The following SLC25A53 variants were observed in gnomAD, a reference collection of about 807,000 sequenced individuals.
SLC25A53 encodes mitochondrial carrier triple repeat protein 6.
SLC25A53 carries 5 observed loss-of-function variants against 15.0 expected under a neutral mutation model. The observed-to-expected ratio is 0.33, with a 90% CI of 0.17 to 0.70. SLC25A53 has a LOEUF of 0.70. Ranked by LOEUF, SLC25A53 falls within the 30% of genes least tolerant of loss-of-function variation. The pLI is 0.67. For synonymous variants in SLC25A53, 95 were observed against 100.0 expected, an observed-to-expected ratio of 0.95 and a Z score of 0.30; for missense variants, 216 against 241.6, an observed-to-expected ratio of 0.89 and a Z score of 0.70.
intron 1 of SLC25A53, among the ~76,000 whole-genome samples, chrX:104,108,197 C>G (rs782719669): frequency 8.9e-6 from 1 of 111,880 alleles, no homozygotes; most frequent in African/African-American, 3.3e-5. Flanking sequence ...AAAGGGCAGA[C>G]AGACCCGAGA....
intron 1 of SLC25A53, among the ~76,000 whole-genome samples, chrX:104,147,636 C>T (rs1336978408): frequency 2.0e-4 from 22 of 108,957 alleles, no homozygotes; most frequent in Admixed American, 1.1e-3. Context: ...AAAAAGTGGG[C>T]AAAGGACATG....
intron 1 of SLC25A53, among the ~76,000 whole-genome samples, chrX:104,109,177 G>A (rs2075326657): frequency 9.0e-6 from 1 of 111,340 alleles, no homozygotes; most frequent in Admixed American, 9.5e-5. Flanking sequence ...TTGTGCATGG[G>A]GCTGGCCTAC....
At chrX:104,153,198 T>G (rs2075490272) in intron 1 of SLC25A53, among the ~76,000 whole-genome samples, 1 of 111,107 alleles carries the variant, frequency 9.0e-6, no homozygotes, top group Admixed American at 9.6e-5. Flanking sequence ...TTAGGCAATT[T>G]CATTGTGAGA....
intron 1 of SLC25A53, among the ~76,000 whole-genome samples, chrX:104,125,041 C>T (rs1284631087): frequency 9.3e-6 from 1 of 107,976 alleles, no homozygotes; most frequent in African/African-American, 3.4e-5. Context: ...CATGGGGTTT[C>T]GCCATGTTGG....
At chrX:104,149,376 T>C (rs184727133) in intron 1 of SLC25A53, among the ~76,000 whole-genome samples, 8 of 112,852 alleles carry the variant, frequency 7.1e-5, no homozygotes, top group Non-Finnish European at 1.3e-4. Flanking sequence ...CTTCATAATG[T>C]CTGGGGCCTC....
rs181672134 is a variant in SLC25A53, at chrX:104,110,715, C to T, written c.-31-5427G>A. Among the ~76,000 whole-genome samples the T allele has an allele frequency of 2.0e-3, 221 of 112,107 alleles. 12 individuals are homozygous for T. Among genetic ancestry groups the T allele is most frequent in the African/African-American group, 2.3e-3 (71 of 30,822 alleles). ...ATTCACTTTGGACAGCCCTGCATGCCGTTTCCATGGAGTTGCTCCTTCTCT... is the reference window on the plus strand; with the variant it reads ...ATTCACTTTGGACAGCCCTGCATGCTGTTTCCATGGAGTTGCTCCTTCTCT... On this transcript the variant is annotated intron_variant, in intron 1 of 1. Transcript: ENST00000594199.
At position 104,103,390 on chromosome X, in the gene SLC25A53, G is replaced by A. The variant is rs782320534; in HGVS notation, c.*944C>T. ...ATTATGGCTAGTGTTTGGGGTTTATGTAAGTGGAGTGACAATATGTTGAAA... is the reference window on the plus strand; with the variant it reads ...ATTATGGCTAGTGTTTGGGGTTTATATAAGTGGAGTGACAATATGTTGAAA... On this transcript the variant is annotated 3_prime_UTR_variant, in exon 2 of 2. Coordinates refer to ENST00000594199, the MANE Select transcript of SLC25A53 (RefSeq NM_001012755.5). 2.7e-5 allele frequency: 3 copies of A among 111,885 alleles called. No individual in the cohort carries two copies. In the South Asian group the frequency reaches 1.1e-3, roughly 42 times the overall value. 9.2% of individuals were successfully genotyped at this position (111,885 alleles called of 1,213,427 possible). A position where few individuals can be genotyped will look rare whatever the true frequency, so the allele number is the denominator to read the frequency against.
intron 1 of SLC25A53, among the ~76,000 whole-genome samples, chrX:104,139,915 A>G (rs2075446695): frequency 8.8e-6 from 1 of 113,441 alleles, no homozygotes; most frequent in African/African-American, 3.2e-5. Flanking sequence ...TGTGCTTTGC[A>G]CTATTGATGC....
At chrX:104,110,641 T>A (rs1482779919) in intron 1 of SLC25A53, among the ~76,000 whole-genome samples, 7 of 112,140 alleles carry the variant, frequency 6.2e-5, no homozygotes, top group Non-Finnish European at 1.3e-4. Context: ...ACCTGCTCTC[T>A]AAGTCAGGGA....
At chrX:104,133,279 C>G (rs1446614481) in intron 1 of SLC25A53, among the ~76,000 whole-genome samples, 2 of 111,950 alleles carry the variant, frequency 1.8e-5, no homozygotes, top group Non-Finnish European at 3.8e-5. Flanking sequence ...CCTGAGATGA[C>G]TGACATGTTA....
rs1298761878 is a variant in SLC25A53, at chrX:104,111,042, G to A, written c.-31-5754C>T. ...GGAAGGACCTCGGGTAGGAACCTGT[G>A]CTCTGGAGTTACATTTCATGACAGA... On this transcript the variant is annotated intron_variant, in intron 1 of 1. Coordinates refer to ENST00000594199, the MANE Select transcript of SLC25A53 (RefSeq NM_001012755.5). 3.6e-5 allele frequency among the ~76,000 whole-genome samples: 4 copies of A among 112,622 alleles called. No individual in the cohort carries two copies. In the East Asian group the frequency reaches 1.1e-3, roughly 31 times the overall value.
intron 1 of SLC25A53, among the ~76,000 whole-genome samples, chrX:104,122,882 C>T (rs2075399362): frequency 8.9e-6 from 1 of 111,883 alleles, no homozygotes; most frequent in South Asian, 3.7e-4. Flanking sequence ...GTGATTTGGG[C>T]ATTCCTGAAC....
Position 104,101,062 on chromosome X carries a change from C to T in SLC25A53, c.*3272G>A, listed in dbSNP as rs1211996058. The T allele has an allele frequency of 8.9e-6, 1 of 112,210 alleles. No individual in the cohort carries two copies. The highest frequency in any genetic ancestry group is 1.9e-5 in the Non-Finnish European group (1 of 53,323). 9.2% of individuals were successfully genotyped at this position (112,210 alleles called of 1,213,427 possible). A position where few individuals can be genotyped will look rare whatever the true frequency, so the allele number is the denominator to read the frequency against. ...GGCTTCAAGTTTGAGTTCACATGACCCCTTCTTTGGGTTTAATTTGCCAGA... is the reference window on the plus strand; with the variant it reads ...GGCTTCAAGTTTGAGTTCACATGACTCCTTCTTTGGGTTTAATTTGCCAGA... On this transcript the variant is annotated 3_prime_UTR_variant, in exon 2 of 2. Coordinates refer to ENST00000594199, the MANE Select transcript of SLC25A53 (RefSeq NM_001012755.5).
At chrX:104,148,906 T>C (rs1363834893) in intron 1 of SLC25A53, among the ~76,000 whole-genome samples, 4 of 112,611 alleles carry the variant, frequency 3.6e-5, no homozygotes, top group Non-Finnish European at 7.5e-5. Context: ...ACTTTTTACT[T>C]ACAAAAAACT....
At position 104,102,041 on chromosome X, in the gene SLC25A53, T is replaced by C. The variant is rs2075283261; in HGVS notation, c.*2293A>G. The C allele has an allele frequency of 8.9e-6, 1 of 111,813 alleles. No homozygotes were observed. Among genetic ancestry groups the C allele is most frequent in the Admixed American group, 9.5e-5 (1 of 10,540 alleles). 9.2% of individuals were successfully genotyped at this position (111,813 alleles called of 1,213,427 possible). On this transcript the variant is annotated 3_prime_UTR_variant, in exon 2 of 2. Coordinates refer to ENST00000594199, the MANE Select transcript of SLC25A53 (RefSeq NM_001012755.5). ...TTCATACTTCCTTGAATCCACAAGT[T>C]GAGTACTGTCCCAACACATCCCGAT...
At chrX:104,134,179 T>C (rs890380895) in intron 1 of SLC25A53, among the ~76,000 whole-genome samples, 4 of 111,873 alleles carry the variant, frequency 3.6e-5, no homozygotes, top group African/African-American at 6.5e-5. Context: ...ACAGGTTTCC[T>C]GTGGTTGCCA....
chrX:104,138,055 G>T, intron 1 of SLC25A53, among the ~76,000 whole-genome samples: 1 of 111,815 alleles, frequency 8.9e-6, no homozygotes, highest in East Asian at 2.8e-4. Flanking sequence ...ACACTCACAC[G>T]GTTTTTAGGC....
chrX:104,111,521 T>C (rs1425359876), intron 1 of SLC25A53, among the ~76,000 whole-genome samples: 1 of 110,617 alleles, frequency 9.0e-6, no homozygotes, highest in Non-Finnish European at 1.9e-5. Flanking sequence ...AAAAGATTAA[T>C]AAAAAAAATG....
Position 104,104,166 on chromosome X carries a change from G to A in SLC25A53, c.*168C>T. 1 of 455,971 alleles carries A rather than the reference G, an allele frequency of 2.2e-6. No individual in the cohort carries two copies. 37.6% of individuals were successfully genotyped at this position (455,971 alleles called of 1,213,427 possible). A position where few individuals can be genotyped will look rare whatever the true frequency, so the allele number is the denominator to read the frequency against. On this transcript the variant is annotated 3_prime_UTR_variant, in exon 2 of 2. Coordinates refer to ENST00000594199, the MANE Select transcript of SLC25A53 (RefSeq NM_001012755.5). ...TCTTTTTGACTAAGGAATACTTTTG[G>A]GCTTTGTCCTTGCTCAACAGGTTGG... is the stretch of plus-strand genomic sequence containing the variant.
Sources: allele counts gnomAD v4.1 joint callset (sites outside exome capture counted in the v4.1 genomes callset), GRCh38; gene constraint gnomAD v4.1.1; transcripts MANE v1.5; gene names NCBI Gene and HGNC (gene_info 2026-07-23, HGNC 2026-07-21).